Variants in SLC16A3 observed in about 807,000 individuals in gnomAD.
The protein encoded by SLC16A3 is solute carrier family 16 member 3.
In SLC16A3, 22 loss-of-function variants were observed where a neutral mutation model predicts 25.0. The ratio of observed to expected loss-of-function variants is 0.88; its 90% CI spans 0.63 to 1.26. The LOEUF (loss-of-function observed/expected upper bound fraction) is 1.26. Ranked by LOEUF, SLC16A3 falls within the 50% of genes most tolerant of loss-of-function variation. The pLI is 0.00. For missense variants in SLC16A3, 731 were observed against 666.6 expected (o/e 1.10, Z -1.06); for synonymous variants, 390 against 309.2 (o/e 1.26, Z -2.74).
chr17:82,222,733 G>T (rs1311367767), intron 1 of SLC16A3, among the ~76,000 whole-genome samples: 1 of 151,732 alleles, frequency 6.6e-6, no homozygotes, highest in Admixed American at 6.6e-5. Context: ...AACCAGGGAG[G>T]CGGAGGTTGC....
Position 82,236,216 on chromosome 17 carries a change from A to G in SLC16A3, c.208A>G (p.Met70Val), listed in dbSNP as rs762320731. The G allele has an allele frequency of 1.9e-5, 31 of 1,612,778 alleles. No individual in the cohort carries two copies. Among genetic ancestry groups the G allele is most frequent in the Non-Finnish European group, 2.5e-5 (30 of 1,179,936 alleles). Residue 70 changes from methionine (M) to valine (V), a missense_variant, in exon 2 of 5, where the codon ATG becomes GTG. By Grantham distance (21) the Met-to-Val change is conservative (BLOSUM62 1). Coordinates refer to ENST00000582743, the MANE Select transcript of SLC16A3 (RefSeq NM_004207.4). ...CTGGATCTCCTCCATCCTGCTGGCCATGCTCTACGGGACAGGTGAGGGTGG... is the reference window on the plus strand; with the variant it reads ...CTGGATCTCCTCCATCCTGCTGGCCGTGCTCTACGGGACAGGTGAGGGTGG... Reference protein sequence around the residue: ...TAWISSILLAMLYGTGPLCSV... With the variant: ...TAWISSILLAVLYGTGPLCSV...
rs549596018 is a variant in SLC16A3 at position 82,239,103 on chromosome 17, C to A, written c.*127C>A. Reference sequence around the variant, plus strand: ...GGCTCCAGCTGCCGGCCCAGCGGATCGTCGCCCGATCAGTGTTTTGAGGGG... The same window carrying A: ...GGCTCCAGCTGCCGGCCCAGCGGATAGTCGCCCGATCAGTGTTTTGAGGGG... On this transcript the variant is annotated 3_prime_UTR_variant, in exon 5 of 5. Coordinates refer to ENST00000582743, the MANE Select transcript of SLC16A3 (RefSeq NM_004207.4). 2.2e-6 allele frequency: 2 copies of A among 896,110 alleles called. No individual in the cohort carries two copies. The highest frequency in any genetic ancestry group is 2.1e-5 in the South Asian group (1 of 47,892). 55.5% of individuals were successfully genotyped at this position (896,110 alleles called of 1,614,324 possible). A position where few individuals can be genotyped will look rare whatever the true frequency, so the allele number is the denominator to read the frequency against.
rs567811827 is a variant in SLC16A3 at position 82,238,013 on chromosome 17, G to A, written c.1123+120G>A. 4.9e-6 allele frequency: 6 copies of A among 1,221,886 alleles called. No individual in the cohort carries two copies. In the African/African-American group the frequency reaches 7.5e-5, roughly 15 times the overall value. The allele number at this position is 1,221,886 out of a possible 1,614,324, so 75.7% of individuals were successfully genotyped here. ...CCGCAGTGTGGGACTCAGAGCTGGA[G>A]GGGGTGCACTGTGCTGGACCAACCC... On this transcript the variant is annotated intron_variant, in intron 4 of 4. Coordinates refer to ENST00000582743, the MANE Select transcript of SLC16A3 (RefSeq NM_004207.4).
Position 82,239,511 on chromosome 17 carries a change from T to G in SLC16A3, c.*535T>G, listed in dbSNP as rs1480367631. The G allele has an allele frequency of 1.7e-5, 3 of 171,684 alleles. No individual in the cohort carries two copies. Among genetic ancestry groups the G allele is most frequent in the African/African-American group, 7.1e-5 (3 of 42,264 alleles). 10.6% of individuals were successfully genotyped at this position (171,684 alleles called of 1,614,324 possible). A position where few individuals can be genotyped will look rare whatever the true frequency, so the allele number is the denominator to read the frequency against. The stretch of plus-strand genomic sequence containing the variant: ...GTTTCCTAGGAGTATGTGGTTTTGC[T>G]GTGTGGCCTGTGTCCTGACTCGCAC... On this transcript the variant is annotated 3_prime_UTR_variant, in exon 5 of 5. Coordinates refer to ENST00000582743, the MANE Select transcript of SLC16A3 (RefSeq NM_004207.4).
intron 1 of SLC16A3, among the ~76,000 whole-genome samples, chr17:82,219,444 G>A (rs985321501): frequency 5.3e-5 from 8 of 152,114 alleles, no homozygotes; most frequent in African/African-American, 1.7e-4. Context: ...TCACCCCCAG[G>A]CACTTGCAGG....
rs1168320896 is a variant in SLC16A3 at position 82,229,070 on chromosome 17, CGGCG to C, written c.-62_-59del. On this transcript the variant is annotated 5_prime_UTR_variant, in exon 1 of 5. Transcript: ENST00000582743. ...AGAGGCGGGCAGAGGCGGCGAGAGG[CGGCG>C]AGAGGCGGGCTGAGGCGGCCCAGCG... 4.6e-3 allele frequency: 693 copies of C among 150,274 alleles called. 2 individuals carry two copies. The highest frequency in any genetic ancestry group is 7.6e-3 in the Non-Finnish European group (509 of 66,898). 9.3% of individuals were successfully genotyped at this position (150,274 alleles called of 1,614,324 possible). A position where few individuals can be genotyped will look rare whatever the true frequency, so the allele number is the denominator to read the frequency against.
intron 4 of SLC16A3, among the ~76,000 whole-genome samples, chr17:82,238,457 C>T (rs73366218): frequency 6.6e-6 from 1 of 152,170 alleles, no homozygotes; most frequent in Admixed American, 6.5e-5. Flanking sequence ...TGCCACCAAC[C>T]GAAACCCAAA....
chr17:82,229,923 C>G (rs2050466960), intron 1 of SLC16A3: 1 of 152,414 alleles, frequency 6.6e-6, no homozygotes, highest in African/African-American at 2.4e-5. Context: ...TGGGGGGAGC[C>G]GAGGGGCGGC....
chr17:82,227,227 C>T (rs1240362168), upstream of SLC16A3, among the ~76,000 whole-genome samples: 8 of 151,796 alleles, frequency 5.3e-5, no homozygotes, highest in Admixed American at 1.3e-4. Context: ...CTGGCAGGGG[C>T]GCCCCTTTGT....
chr17:82,237,591 A>C lies in SLC16A3; in HGVS notation c.821A>C (p.Asp274Ala). The C allele has an allele frequency of 1.2e-6, 2 of 1,612,284 alleles. No homozygotes were observed. Among genetic ancestry groups the C allele is most frequent in the Non-Finnish European group, 1.7e-6 (2 of 1,179,624 alleles). ...CTGCTCACCATCCTGGGCTTCATTG[A>C]CATCTTCGCGCGGCCGGCCGCGGGC... ...AFLLTILGFI[D>A]IFARPAAGFV... is the part of the protein sequence containing the mutation. Residue 274 changes from aspartate to alanine, a missense_variant, in exon 4 of 5, where the codon GAC becomes GCC. Coordinates refer to ENST00000582743, the MANE Select transcript of SLC16A3 (RefSeq NM_004207.4).
At chr17:82,236,597 G>A (rs2050608213) in intron 2 of SLC16A3, 132 bp from the exon 3 acceptor site, 1 of 1,339,030 alleles carries the variant, frequency 7.5e-7, no homozygotes, top group Non-Finnish European at 1.0e-6. Flanking sequence ...CTGCCCACGG[G>A]GTGCCCCTGG....
rs2050636513 is a variant in SLC16A3, at chr17:82,237,499, C to T, written c.729C>T (p.Phe243=). ...CCTCGGTCATGGTGCTGGGGCTCTTCGTCCCGCCCGTGTTCGTGGTGAGCT... is the reference window on the plus strand; with the variant it reads ...CCTCGGTCATGGTGCTGGGGCTCTTTGTCCCGCCCGTGTTCGTGGTGAGCT... ...VAASVMVLGL[F]VPPVFVVSYA... is the part of the protein sequence containing the mutation. Residue 243 remains phenylalanine (F), a synonymous_variant, in exon 4 of 5, where the codon TTC becomes TTT. Transcript: ENST00000582743. 3.1e-6 allele frequency: 5 copies of T among 1,610,950 alleles called. No homozygotes were observed. The highest frequency in any genetic ancestry group is 2.7e-5 in the African/African-American group (2 of 74,920).
At chr17:82,238,036 C>T (rs2050658691) in intron 4 of SLC16A3, 143 bp downstream of exon 4, 1 of 967,362 alleles carries the variant, frequency 1.0e-6, no homozygotes, top group Admixed American at 2.7e-5. Context: ...GCTGGACCAA[C>T]CCTGATTCTG....
chr17:82,220,725 G>A (rs527475390), intron 1 of SLC16A3, among the ~76,000 whole-genome samples: 7 of 152,154 alleles, frequency 4.6e-5, no homozygotes, highest in East Asian at 1.9e-4. Flanking sequence ...ATCTCACACC[G>A]TTTATAAGTA....
chr17:82,236,733 G>T lies in SLC16A3; in HGVS notation c.228G>T (p.Pro76=). The T allele has an allele frequency of 1.9e-6, 3 of 1,606,134 alleles. No homozygotes were observed. In the South Asian group the frequency reaches 3.3e-5, roughly 18 times the overall value. ...ILLAMLYGTG[P]LCSVCVNRFG... ...CTCAGCTGCTGCCCTCTCCAGGTCC[G>T]CTCTGCAGTGTGTGCGTGAACCGCT... The change falls in exon 3 of 5, where the codon CCG becomes CCT. Residue 76 remains proline, a synonymous_variant. Transcript: ENST00000582743.
intron 1 of SLC16A3, chr17:82,235,643 G>A (rs1490464890): frequency 1.7e-5 from 6 of 360,854 alleles, no homozygotes; most frequent in East Asian, 1.3e-4. Flanking sequence ...CAGCCAGAGC[G>A]AGCCAGGGCA....
At chr17:82,228,088 G>A (rs1370672186), upstream of SLC16A3, among the ~76,000 whole-genome samples, 5 of 152,214 alleles carry the variant, frequency 3.3e-5, no homozygotes, top group Non-Finnish European at 7.3e-5. Flanking sequence ...GGTCCGGGAG[G>A]GGCCAGTTAA....
At position 82,235,972 on chromosome 17, in the gene SLC16A3, TTC is replaced by T. The variant is rs764954257; in HGVS notation, c.-26-4_-26-3del. ...CCCGGGCAGCCTGAGTCAGCCTGCTTTCTCTCTCAGGTGAGGCGGAACCAACC... is the reference window on the plus strand; with the variant it reads ...CCCGGGCAGCCTGAGTCAGCCTGCTTTCTCTCAGGTGAGGCGGAACCAACC... On this transcript the variant is annotated splice_polypyrimidine_tract_variant and intron_variant, in intron 1 of 4. Transcript: ENST00000582743. 238 of 1,565,414 alleles carry T rather than the reference TTC, an allele frequency of 1.5e-4. 1 individual carries two copies. In the Middle Eastern group the frequency reaches 1.9e-3, roughly 13 times the overall value.
chr17:82,232,071 G>GCAC (rs1181554922), intron 1 of SLC16A3: 2 of 152,284 alleles, frequency 1.3e-5, no homozygotes, highest in Non-Finnish European at 2.9e-5. Context: ...GCGCCCTCCC[G>GCAC]CCCTCGGCAC....
Sources: allele counts gnomAD v4.1 joint callset (sites outside exome capture counted in the v4.1 genomes callset), GRCh38; gene constraint gnomAD v4.1.1; transcripts MANE v1.5; gene names NCBI Gene and HGNC (gene_info 2026-07-23, HGNC 2026-07-21).